Variants in SKIC2 observed in about 807,000 individuals in gnomAD.
SKIC2 encodes the protein superkiller complex protein 2.
the SKIC2 span, chr6:31,961,095 G>A: frequency 6.2e-7 from 1 of 1,613,244 alleles, no homozygotes; most frequent in Non-Finnish European, 8.5e-7. Context: ...GCACCAAAAG[G>A]TTAGTTTTAG....
the SKIC2 span, chr6:31,963,704 C>T: frequency 6.5e-7 from 1 of 1,550,288 alleles, no homozygotes. This position sits in a 1 kb window ranked among gnomAD's most constrained non-coding sequence, Gnocchi z 5.3. Context: ...TGGGGCCAAG[C>T]AGCCCACACA....
the SKIC2 span, chr6:31,960,921 T>C: frequency 1.1e-6 from 1 of 922,040 alleles, no homozygotes; most frequent in South Asian, 1.4e-5. Flanking sequence ...TGGGAAAGTG[T>C]CATAGCAAAC....
At chr6:31,962,835 C>T in the SKIC2 span, 2 of 1,486,254 alleles carry the variant, frequency 1.3e-6, no homozygotes, top group East Asian at 4.5e-5. This position sits in a 1 kb window ranked among gnomAD's most constrained non-coding sequence, Gnocchi z 5.0. Flanking sequence ...CGGCAGTCCT[C>T]TCCTTTGGGA....
the SKIC2 span, chr6:31,968,322 C>T: frequency 1.2e-6 from 2 of 1,611,074 alleles, no homozygotes; most frequent in East Asian, 2.2e-5. This position sits in a 1 kb window ranked among gnomAD's most constrained non-coding sequence, Gnocchi z 6.1. Context: ...TCTGCTCCCT[C>T]TTCAGGAAGG....
At chr6:31,967,936 C>G in the SKIC2 span, 1 of 1,613,120 alleles carries the variant, frequency 6.2e-7, no homozygotes, top group African/African-American at 1.3e-5. The surrounding 1 kb of genome is among the most constrained non-coding windows in gnomAD (Gnocchi z 4.9). Flanking sequence ...AATGTCTGCC[C>G]TGCTCTCCCC....
chr6:31,963,868 C>A, the SKIC2 span: 1 of 1,546,856 alleles, frequency 6.5e-7, no homozygotes, highest in Non-Finnish European at 8.9e-7. This position sits in a 1 kb window ranked among gnomAD's most constrained non-coding sequence, Gnocchi z 5.3. Context: ...CTCATTGGTT[C>A]AGGAACTCAA....
At chr6:31,966,664 G>T in the SKIC2 span, 12 of 1,609,884 alleles carry the variant, frequency 7.5e-6, no homozygotes, top group Non-Finnish European at 1.0e-5. The surrounding 1 kb of genome is among the most constrained non-coding windows in gnomAD (Gnocchi z 5.9). Context: ...CTGGGGTTCA[G>T]TAGGTCCCAC....
chr6:31,961,926 T>C, the SKIC2 span: 3 of 1,613,112 alleles, frequency 1.9e-6, no homozygotes, highest in Non-Finnish European at 2.5e-6. Flanking sequence ...TTGAGCCAGA[T>C]GTGTTTCAGA....
the SKIC2 span, chr6:31,963,672 T>C: frequency 6.4e-7 from 1 of 1,556,804 alleles, no homozygotes. This position sits in a 1 kb window ranked among gnomAD's most constrained non-coding sequence, Gnocchi z 5.3. Context: ...AAGGAGAGAA[T>C]GAGCAAACAC....
At chr6:31,960,309 C>G in the SKIC2 span, 4 of 1,613,390 alleles carry the variant, frequency 2.5e-6, no homozygotes, top group African/African-American at 5.3e-5. Context: ...AGACACCCAA[C>G]CACAGGCCAG....
the SKIC2 span, chr6:31,969,336 TG>T: frequency 6.2e-7 from 1 of 1,614,184 alleles, no homozygotes; most frequent in South Asian, 1.1e-5. This position sits in a 1 kb window ranked among gnomAD's most constrained non-coding sequence, Gnocchi z 6.1. Context: ...AGGTGGCTTG[TG>T]GCCTGAACCA....
chr6:31,968,099 A>C, the SKIC2 span: 1 of 1,612,406 alleles, frequency 6.2e-7, no homozygotes, highest in East Asian at 2.2e-5. The surrounding 1 kb of genome is among the most constrained non-coding windows in gnomAD (Gnocchi z 6.1). Flanking sequence ...GATGCTAGGG[A>C]GGCCCTTCTC....
chr6:31,968,025 G>A, the SKIC2 span: 11 of 1,613,034 alleles, frequency 6.8e-6, no homozygotes, highest in African/African-American at 1.3e-5. The surrounding 1 kb of genome is among the most constrained non-coding windows in gnomAD (Gnocchi z 6.1). Context: ...AAGGTGCTCC[G>A]GGTGAATGGG....
At chr6:31,963,356 G>A in the SKIC2 span, 1 of 1,471,646 alleles carries the variant, frequency 6.8e-7, no homozygotes, top group Non-Finnish European at 9.1e-7. This position sits in a 1 kb window ranked among gnomAD's most constrained non-coding sequence, Gnocchi z 5.3. Flanking sequence ...AGGGGGTGGG[G>A]ATGTGGGTTC....
chr6:31,962,733 T>G, the SKIC2 span: 8 of 1,612,738 alleles, frequency 5.0e-6, no homozygotes, highest in Admixed American at 5.0e-5. The surrounding 1 kb of genome is among the most constrained non-coding windows in gnomAD (Gnocchi z 5.0). Context: ...GTACAGTGGC[T>G]CAGATGTTAT....
At chr6:31,964,246 A>T in the SKIC2 span, 1 of 1,612,760 alleles carries the variant, frequency 6.2e-7, no homozygotes, top group Non-Finnish European at 8.5e-7. This position sits in a 1 kb window ranked among gnomAD's most constrained non-coding sequence, Gnocchi z 5.0. Context: ...TGCACATGTC[A>T]GAGCTCCTGA....
chr6:31,961,124 G>A, the SKIC2 span: 1 of 1,608,230 alleles, frequency 6.2e-7, no homozygotes, highest in Non-Finnish European at 8.5e-7. Context: ...TGGGGTGTAG[G>A]AGAAGTCATG....
At chr6:31,969,057 G>C in the SKIC2 span, 1 of 1,611,772 alleles carries the variant, frequency 6.2e-7, no homozygotes, top group Admixed American at 1.7e-5. This position sits in a 1 kb window ranked among gnomAD's most constrained non-coding sequence, Gnocchi z 6.1. Context: ...CCCTGGGGAC[G>C]CTGGGGATCA....
At chr6:31,963,360 T>C in the SKIC2 span, 280,646 of 1,488,606 alleles carry the variant, frequency 0.19, 29,045 homozygotes, top group African/African-American at 0.37. This position sits in a 1 kb window ranked among gnomAD's most constrained non-coding sequence, Gnocchi z 5.3. Flanking sequence ...GGTGGGGATG[T>C]GGGTTCCTTC....
Sources: allele counts gnomAD v4.1 joint callset, GRCh38; gene constraint gnomAD v4.1.1; non-coding constraint Gnocchi (gnomAD v3.1); transcripts MANE v1.5; gene names NCBI Gene and HGNC (gene_info 2026-07-23, HGNC 2026-07-21).